The following SPATC1 variants were observed in gnomAD, a reference collection of about 807,000 sequenced individuals.
The protein encoded by SPATC1 is speriolin.
SPATC1 carries 35 observed loss-of-function variants against 36.5 expected under a neutral mutation model. The ratio of observed to expected loss-of-function variants is 0.96; its 90% CI spans 0.73 to 1.27. The LOEUF is 1.27. Ranked by LOEUF, SPATC1 falls within the 50% of genes most tolerant of loss-of-function variation. SPATC1 has a pLI of 0.00. For synonymous variants in SPATC1, 361 were observed against 353.6 expected, an observed-to-expected ratio of 1.02 and a Z score of -0.24; for missense variants, 779 against 796.0, an observed-to-expected ratio of 0.98 and a Z score of 0.26.
chr8:144,040,273 T>A lies in SPATC1; in HGVS notation c.576T>A (p.Ala192=), dbSNP rs1210424974. The stretch of plus-strand genomic sequence containing the variant: ...TAGCCCCTGTGATGGGCACGGTGGC[T>A]GTCTCTCTGAGCAGCCCCCTCCTCA... ...PLIAPVMGTV[A]VSLSSPLLSS... The change falls in exon 2 of 5, where the codon GCT becomes GCA. Residue 192 remains alanine (A), a synonymous_variant. Transcript: ENST00000377470. 6.2e-7 allele frequency: 1 copy of A among 1,612,642 alleles called. No individual in the cohort carries two copies. The highest frequency in any genetic ancestry group is 1.3e-5 in the African/African-American group (1 of 74,910).
At chr8:144,033,098 CA>C (rs1834830360) in intron 1 of SPATC1, among the ~76,000 whole-genome samples, 1 of 150,418 alleles carries the variant, frequency 6.6e-6, no homozygotes, top group African/African-American at 2.5e-5. Context: ...AATTACATGG[CA>C]TGAAACAAAA....
intron 1 of SPATC1, among the ~76,000 whole-genome samples, chr8:144,019,041 C>CAAAAAA (rs1212175839): frequency 1.8e-5 from 1 of 56,370 alleles, no homozygotes; most frequent in African/African-American, 5.9e-5. Context: ...GACTCCGTCT[C>CAAAAAA]AAAAAAAAAA....
rs775780445 is a variant in SPATC1 at position 144,046,386 on chromosome 8, G to A, written c.1447-241G>A. Among the ~76,000 whole-genome samples, 1 of 152,156 alleles carries A rather than the reference G, an allele frequency of 6.6e-6. No individual in the cohort carries two copies. Among genetic ancestry groups the A allele is most frequent in the Non-Finnish European group, 1.5e-5 (1 of 68,014 alleles). On this transcript the variant is annotated intron_variant, in intron 4 of 4. Coordinates refer to ENST00000377470, the MANE Select transcript of SPATC1 (RefSeq NM_198572.3). This position sits in a 1 kb window ranked among gnomAD's most constrained non-coding sequence, Gnocchi z 6.6. The stretch of plus-strand genomic sequence containing the variant: ...CATCCTCTTCCACCCTGTGGCTGAG[G>A]CCCTACTGGGGAGCTTTGAGAGCCA...
rs150705459 is a variant in SPATC1 at position 144,016,883 on chromosome 8, C to T, written c.211+4157C>T. ...CAAACTCCCGACTTCAGGTGATCCG[C>T]CCACCTTGGCCTCCCAAAGTGCTGG... On this transcript the variant is annotated intron_variant, in intron 1 of 4. Transcript: ENST00000377470. The surrounding 1 kb of genome is among the most constrained non-coding windows in gnomAD (Gnocchi z 4.5). Among the ~76,000 whole-genome samples, 5,605 of 152,298 alleles carry T rather than the reference C, an allele frequency of 0.037. 126 individuals are homozygous for T. Among genetic ancestry groups the T allele is most frequent in the Non-Finnish European group, 0.053 (3,579 of 68,032 alleles).
intron 1 of SPATC1, among the ~76,000 whole-genome samples, chr8:144,021,301 C>G (rs1834528040): frequency 1.4e-5 from 2 of 146,620 alleles, no homozygotes; most frequent in Admixed American, 6.7e-5. Context: ...CCCTCAGGAC[C>G]CTCTTCCCTC....
At chr8:144,020,687 C>CCCTCTTCCCTCAGGAT (rs1834500902) in intron 1 of SPATC1, among the ~76,000 whole-genome samples, 2 of 8,202 alleles carry the variant, frequency 2.4e-4, no homozygotes, top group Non-Finnish European at 5.2e-4. Flanking sequence ...CCCCTCGCAC[C>CCCTCTTCCCTCAGGAT]CCTCTTCCCT....
At chr8:144,038,197 A>G (rs1237300527) in intron 1 of SPATC1, among the ~76,000 whole-genome samples, 11 of 150,100 alleles carry the variant, frequency 7.3e-5, no homozygotes, top group Admixed American at 1.3e-4. Context: ...TACTTTGGGA[A>G]GCCCAGGCAG....
chr8:144,012,413 CAGA>C lies in SPATC1; in HGVS notation c.-102_-100del. ...CCCAGGGCCCACTGGGCCAGCCTTG[CAGA>C]CTCTGCACCCTCCTTCAGCCCAGGC... is the stretch of plus-strand genomic sequence containing the variant. On this transcript the variant is annotated 5_prime_UTR_variant, in exon 1 of 5. Transcript: ENST00000377470. The C allele has an allele frequency of 9.9e-7, 1 of 1,015,144 alleles. No homozygotes were observed. Among genetic ancestry groups the C allele is most frequent in the Non-Finnish European group, 1.5e-6 (1 of 677,654 alleles). The allele number at this position is 1,015,144 out of a possible 1,614,324, so 62.9% of individuals were successfully genotyped here.
intron 1 of SPATC1, among the ~76,000 whole-genome samples, chr8:144,026,985 T>TC (rs1369811822): frequency 5.3e-4 from 68 of 128,922 alleles, no homozygotes; most frequent in African/African-American, 1.5e-3. Context: ...AATTTTTTTT[T>TC]TCTTTTTTTT....
At chr8:144,018,361 A>G (rs1834432723) in intron 1 of SPATC1, among the ~76,000 whole-genome samples, 1 of 152,140 alleles carries the variant, frequency 6.6e-6, no homozygotes, top group Non-Finnish European at 1.5e-5. Context: ...AAGATGATGG[A>G]GATACTTAAT....
intron 1 of SPATC1, among the ~76,000 whole-genome samples, chr8:144,034,630 T>G (rs964986122): frequency 6.6e-6 from 1 of 151,782 alleles, no homozygotes; most frequent in Non-Finnish European, 1.5e-5. Flanking sequence ...ATTTATTTAT[T>G]TATTTATTTT....
intron 4 of SPATC1, among the ~76,000 whole-genome samples, chr8:144,042,804 T>C (rs992334402): frequency 2.0e-5 from 3 of 152,046 alleles, no homozygotes; most frequent in Non-Finnish European, 2.9e-5. Context: ...TGATAAATCC[T>C]GTTACAGGCC....
intron 4 of SPATC1, chr8:144,041,870 T>C (rs527500877): frequency 1.3e-6 from 1 of 798,850 alleles, no homozygotes; most frequent in African/African-American, 1.9e-5. Flanking sequence ...GGCCTGTGTG[T>C]AGCCTAAGCG....
chr8:144,031,879 C>T (rs1282924285), intron 1 of SPATC1, among the ~76,000 whole-genome samples: 7 of 151,746 alleles, frequency 4.6e-5, no homozygotes, highest in South Asian at 2.1e-4. Flanking sequence ...CCATCACATC[C>T]GGCTAATTTT....
Position 144,046,917 on chromosome 8 carries a change from G to A in SPATC1, c.1737G>A (p.Gln579=), listed in dbSNP as rs1186756185. ...TGCTGCTGCTCTCCTGCCTCAGCCAGCTGGCGCACGATGACGGCAAGCCCA... is the reference window on the plus strand; with the variant it reads ...TGCTGCTGCTCTCCTGCCTCAGCCAACTGGCGCACGATGACGGCAAGCCCA... ...DALLLLSCLS[Q]LAHDDGKPMF... is the part of the protein sequence containing the mutation. Residue 579 remains glutamine (Q), a synonymous_variant, in exon 5 of 5, where the codon CAG becomes CAA. Transcript: ENST00000377470. This position sits in a 1 kb window ranked among gnomAD's most constrained non-coding sequence, Gnocchi z 6.6. 6.3e-7 allele frequency: 1 copy of A among 1,598,520 alleles called. No individual in the cohort carries two copies. Among genetic ancestry groups the A allele is most frequent in the Admixed American group, 1.7e-5 (1 of 59,960 alleles).
intron 1 of SPATC1, among the ~76,000 whole-genome samples, chr8:144,025,780 A>G (rs1416639710): frequency 2.6e-5 from 4 of 152,180 alleles, no homozygotes; most frequent in Non-Finnish European, 5.9e-5. Context: ...CAGTGTGAGC[A>G]GGGCATATGC....
At chr8:144,043,239 C>T (rs1835164048) in intron 4 of SPATC1, among the ~76,000 whole-genome samples, 1 of 151,760 alleles carries the variant, frequency 6.6e-6, no homozygotes, top group South Asian at 2.1e-4. Flanking sequence ...AAGTGATCTG[C>T]CTGCCTCTGC....
intron 4 of SPATC1, among the ~76,000 whole-genome samples, chr8:144,044,513 T>A (rs1455012074): frequency 6.6e-6 from 1 of 150,530 alleles, no homozygotes; most frequent in Non-Finnish European, 1.5e-5. Flanking sequence ...TTTCACAGTG[T>A]TCGCCAGGAT....
chr8:144,029,489 C>T (rs1183288961), intron 1 of SPATC1, among the ~76,000 whole-genome samples: 1 of 152,160 alleles, frequency 6.6e-6, no homozygotes, highest in Non-Finnish European at 1.5e-5. Context: ...ATCACTTGAA[C>T]CTGGGAGGTG....
Sources: gnomAD v4.1 joint callset for allele counts (sites outside exome capture counted in the v4.1 genomes callset) on GRCh38, gnomAD v4.1.1 for gene constraint, Gnocchi (gnomAD v3.1) non-coding constraint, MANE v1.5 for transcripts, NCBI Gene and HGNC (gene_info 2026-07-23, HGNC 2026-07-21) for gene names.